Variants in NCR2 observed in about 807,000 individuals in gnomAD.
The protein encoded by NCR2 is NK cell activating receptor (NKp44).
In NCR2, 35 loss-of-function variants were observed where a neutral mutation model predicts 30.7. The ratio of observed to expected loss-of-function variants is 1.14; its 90% CI spans 0.87 to 1.51. The LOEUF is 1.51. Ranked by LOEUF, NCR2 falls within the 40% of genes most tolerant of loss-of-function variation. The probability of loss-of-function intolerance (pLI) is 0.00; values close to 1 mark genes in which losing one functional copy is unlikely to be tolerated. For synonymous variants in NCR2, 146 were observed against 134.8 expected (o/e 1.08, Z -0.58); for missense variants, 316 against 328.9 (o/e 0.96, Z 0.30).
intron 2 of NCR2, among the ~76,000 whole-genome samples, chr6:41,337,189 A>G (rs1769053612): frequency 6.6e-6 from 1 of 152,264 alleles, no homozygotes; most frequent in Non-Finnish European, 1.5e-5. Context: ...TGTAAAATAC[A>G]GTAAAAAAAA....
intron 2 of NCR2, among the ~76,000 whole-genome samples, chr6:41,341,043 G>A (rs956426653): frequency 1.3e-5 from 2 of 152,040 alleles, no homozygotes; most frequent in African/African-American, 4.8e-5. Context: ...TGTAGACCTA[G>A]TCTGCTAGGT....
At chr6:41,340,857 A>G (rs576138863) in intron 2 of NCR2, among the ~76,000 whole-genome samples, 43 of 152,158 alleles carry the variant, frequency 2.8e-4, no homozygotes, top group African/African-American at 9.6e-4. Context: ...AGAGTGTTCT[A>G]TGGGACAGGA....
intron 2 of NCR2, among the ~76,000 whole-genome samples, chr6:41,340,430 G>A (rs185546736): frequency 3.9e-5 from 6 of 152,260 alleles, no homozygotes; most frequent in East Asian, 3.9e-4. Flanking sequence ...CAAAACTGCC[G>A]GGATTACAGG....
intron 4 of NCR2, among the ~76,000 whole-genome samples, chr6:41,345,928 G>A (rs531339893): frequency 1.4e-4 from 21 of 152,248 alleles, no homozygotes; most frequent in African/African-American, 2.2e-4. Flanking sequence ...CTTGCGGGGG[G>A]AGGGAGGCGG....
At chr6:41,343,234 C>T (rs1769221484) in intron 4 of NCR2, among the ~76,000 whole-genome samples, 1 of 152,272 alleles carries the variant, frequency 6.6e-6, no homozygotes, top group South Asian at 2.1e-4. Context: ...AGCCCAGCGC[C>T]TGCAGCATCT....
intron 2 of NCR2, among the ~76,000 whole-genome samples, chr6:41,336,950 A>C (rs1429205138): frequency 6.6e-6 from 1 of 152,162 alleles, no homozygotes; most frequent in African/African-American, 2.4e-5. Flanking sequence ...AGTGCCTATA[A>C]GTGGAGTTAT....
Position 41,342,092 on chromosome 6 carries a change from T to G in NCR2, c.587T>G (p.Val196Gly). The G allele has an allele frequency of 7.4e-6, 12 of 1,613,880 alleles. No individual in the cohort carries two copies. The highest frequency in any genetic ancestry group is 1.0e-5 in the Non-Finnish European group (12 of 1,180,014). ...GCAGCCCCCATTGCCCTGGTGCCTG[T>G]GTTCTGTGGACTCCTCGTAGCCAAG... is the stretch of plus-strand genomic sequence containing the variant. Reference protein sequence around the residue: ...GPAAPIALVPVFCGLLVAKSL... With the variant: ...GPAAPIALVPGFCGLLVAKSL... Residue 196 changes from valine (V) to glycine (G), a missense_variant, in exon 4 of 5, where the codon GTG (valine) becomes GGG (glycine). Transcript: ENST00000373089.
chr6:41,344,001 G>C (rs1464207732), intron 4 of NCR2, among the ~76,000 whole-genome samples: 1 of 152,006 alleles, frequency 6.6e-6, no homozygotes, highest in African/African-American at 2.4e-5. Context: ...CTCTGCCAAG[G>C]CCTCTCCTAT....
chr6:41,341,735 C>A, intron 2 of NCR2, 59 bp from the exon 3 acceptor site: 1 of 1,547,662 alleles, frequency 6.5e-7, no homozygotes, highest in Non-Finnish European at 8.7e-7. Flanking sequence ...AGCTCTCCTG[C>A]CGGCAGGCAC....
At chr6:41,336,988 A>G (rs1769049208) in intron 2 of NCR2, among the ~76,000 whole-genome samples, 1 of 152,232 alleles carries the variant, frequency 6.6e-6, no homozygotes, top group East Asian at 1.9e-4. Context: ...TGCCCACTCA[A>G]TTACCTATTG....
At chr6:41,343,415 A>G (rs779544094) in intron 4 of NCR2, among the ~76,000 whole-genome samples, 5 of 152,246 alleles carry the variant, frequency 3.3e-5, no homozygotes, top group Non-Finnish European at 7.3e-5. Context: ...AAGAGTTCCC[A>G]GTTGCAGTGA....
intron 2 of NCR2, among the ~76,000 whole-genome samples, chr6:41,336,782 T>G (rs536780854): frequency 6.6e-6 from 1 of 152,224 alleles, no homozygotes; most frequent in East Asian, 1.9e-4. Flanking sequence ...CCCCACCATG[T>G]AGAGCCAGTG....
At chr6:41,336,023 A>G in intron 1 of NCR2, 64 bp from the exon 2 acceptor site, 1 of 1,587,634 alleles carries the variant, frequency 6.3e-7, no homozygotes, top group South Asian at 1.2e-5. Flanking sequence ...CTGTGGCCAG[A>G]GGCCTGCTGT....
rs766134109 is a variant in NCR2 at position 41,350,751 on chromosome 6, C to T, written c.718C>T (p.Gln240Ter). Residue 240 changes from glutamine (Q) to a stop codon, truncating the protein, a stop_gained, in exon 5 of 5, where the codon CAG (glutamine) becomes TAG (stop). Transcript: ENST00000373089. LOFTEE classifies it high-confidence loss of function. ...CCAAAAAGCCACCTGCCACCTTCAA[C>T]AGGTCACGGACCTTCCCTGGACCTC... Reference protein sequence around the residue: ...DTQKATCHLQQVTDLPWTSVS... With the variant: ...DTQKATCHLQ The T allele has an allele frequency of 8.1e-6, 13 of 1,612,322 alleles. No homozygotes were observed. Among genetic ancestry groups the T allele is most frequent in the Non-Finnish European group, 1.1e-5 (13 of 1,178,414 alleles).
chr6:41,340,536 A>T (rs905299504), intron 2 of NCR2, among the ~76,000 whole-genome samples: 1 of 152,152 alleles, frequency 6.6e-6, no homozygotes, highest in African/African-American at 2.4e-5. Context: ...AGCTCACTCC[A>T]TATTCGACCC....
chr6:41,340,212 A>G (rs551397250), intron 2 of NCR2, among the ~76,000 whole-genome samples: 30 of 148,160 alleles, frequency 2.0e-4, no homozygotes, highest in African/African-American at 7.5e-4. Context: ...CCCAGGCTGG[A>G]GTGCGGTGGC....
At position 41,348,433 on chromosome 6, in the gene NCR2, T is replaced by C. The variant is rs56855429; in HGVS notation, c.645-2245T>C. Among the ~76,000 whole-genome samples, 725 of 149,176 alleles carry C rather than the reference T, an allele frequency of 4.9e-3. 5 individuals are homozygous for C. Among genetic ancestry groups the C allele is most frequent in the African/African-American group, 0.016 (644 of 40,770 alleles). On this transcript the variant is annotated intron_variant, in intron 4 of 4. Transcript: ENST00000373089. ...ACAGTCATAGGAAAACCACTACAGA[T>C]ATTTTTGTTCAAAAGAGGTGGAAGG...
chr6:41,339,559 AT>A (rs1454568248), intron 2 of NCR2, among the ~76,000 whole-genome samples: 1 of 150,736 alleles, frequency 6.6e-6, no homozygotes, highest in East Asian at 2.0e-4. Flanking sequence ...TAATTTTTTT[AT>A]ATTTTTACTA....
intron 4 of NCR2, chr6:41,342,879 G>A (rs2114058268): frequency 6.5e-7 from 1 of 1,528,048 alleles, no homozygotes; most frequent in Non-Finnish European, 8.9e-7. Context: ...TGTGAGAACG[G>A]ATTCAAGTCA....
Sources: allele counts gnomAD v4.1 joint callset (sites outside exome capture counted in the v4.1 genomes callset), GRCh38; gene constraint gnomAD v4.1.1; transcripts MANE v1.5; gene names NCBI Gene and HGNC (gene_info 2026-07-23, HGNC 2026-07-21).